PRDM6: variants seen among roughly 807,000 people sequenced by gnomAD.
PRDM6 encodes the protein putative histone-lysine N-methyltransferase PRDM6.
In PRDM6, 25 loss-of-function variants were observed where a neutral mutation model predicts 60.8. The observed-to-expected ratio is 0.41, with a 90% confidence interval of 0.30 to 0.57. The LOEUF is 0.57. Ranked by LOEUF, PRDM6 falls within the 20% of genes least tolerant of loss-of-function variation. The pLI is 0.27. For synonymous variants in PRDM6, 407 were observed against 357.4 expected, an observed-to-expected ratio of 1.14 and a Z score of -1.57; for missense variants, 839 against 821.3, an observed-to-expected ratio of 1.02 and a Z score of -0.26.
intron 5 of PRDM6, among the ~76,000 whole-genome samples, chr5:123,166,781 C>T (rs1765762007): frequency 6.6e-6 from 1 of 152,232 alleles, no homozygotes; most frequent in African/African-American, 2.4e-5. Context: ...ATTTGCCTCT[C>T]TCAATATTTT....
At chr5:123,146,121 T>C (rs762245167) in intron 3 of PRDM6, among the ~76,000 whole-genome samples, 20 of 152,196 alleles carry the variant, frequency 1.3e-4, no homozygotes, top group Non-Finnish European at 2.5e-4. Context: ...AACATAGCAG[T>C]TTGCACCTAG....
intron 3 of PRDM6, among the ~76,000 whole-genome samples, chr5:123,118,000 A>G (rs1247538633): frequency 6.6e-6 from 1 of 152,242 alleles, no homozygotes; most frequent in Non-Finnish European, 1.5e-5. Context: ...GACACAGTCC[A>G]TGACTAGATG....
chr5:123,152,958 C>T (rs969164570), intron 3 of PRDM6, among the ~76,000 whole-genome samples: 12 of 152,024 alleles, frequency 7.9e-5, no homozygotes, highest in Admixed American at 2.6e-4. Flanking sequence ...TGTTAAAATC[C>T]GCTTAAACAG....
At chr5:123,163,259 A>G (rs1378907772) in intron 5 of PRDM6, among the ~76,000 whole-genome samples, 1 of 152,236 alleles carries the variant, frequency 6.6e-6, no homozygotes, top group African/African-American at 2.4e-5. Context: ...TACCTGGACC[A>G]AGGCATTCAA....
At chr5:123,100,385 G>A (rs2150208164) in intron 3 of PRDM6, among the ~76,000 whole-genome samples, 3 of 152,342 alleles carry the variant, frequency 2.0e-5, no homozygotes, top group Middle Eastern at 6.8e-3. Context: ...AGCACTTCCA[G>A]TGTGTTTCTG....
intron 4 of PRDM6, among the ~76,000 whole-genome samples, chr5:123,158,734 A>G (rs1194037479): frequency 1.3e-5 from 2 of 151,456 alleles, no homozygotes; most frequent in African/African-American, 4.9e-5. Flanking sequence ...TTTAAGGCCC[A>G]CCAACCCTAC....
At chr5:123,106,344 C>T (rs1050970809) in intron 3 of PRDM6, among the ~76,000 whole-genome samples, 14 of 152,174 alleles carry the variant, frequency 9.2e-5, no homozygotes, top group African/African-American at 2.2e-4. Context: ...TTTGCTTCAG[C>T]GCATCCAGCA....
At chr5:123,090,981 C>T (rs1400639536) in intron 2 of PRDM6, among the ~76,000 whole-genome samples, 3 of 152,156 alleles carry the variant, frequency 2.0e-5, no homozygotes, top group Admixed American at 2.0e-4. Context: ...CAGGGGGTGT[C>T]TGGGTCAGGC....
chr5:123,118,935 T>C (rs1289051721), intron 3 of PRDM6, among the ~76,000 whole-genome samples: 1 of 152,198 alleles, frequency 6.6e-6, no homozygotes, highest in Non-Finnish European at 1.5e-5. Flanking sequence ...TGCATCTTGC[T>C]AGATTTGGGA....
chr5:123,185,041 G>A (rs1042102669), intron 7 of PRDM6, among the ~76,000 whole-genome samples: 4 of 152,114 alleles, frequency 2.6e-5, no homozygotes, highest in Admixed American at 6.5e-5. Context: ...ACAACAAATT[G>A]TTCCATTTGT....
In PRDM6 at chr5:123,170,781, C is replaced by A; in HGVS notation, c.1169C>A (p.Thr390Lys). 1 of 1,549,894 alleles carries A rather than the reference C, an allele frequency of 6.5e-7. No homozygotes were observed. Among genetic ancestry groups the A allele is most frequent in the Non-Finnish European group, 8.7e-7 (1 of 1,145,838 alleles). ...AQDENLNVPS[T>K]VMEAMCRQDA... ...ATTCTCCTAGTAAATGTCCCTTCAA[C>A]GGTAATGGAAGCCATGTGCAGACAA... Residue 390 changes from threonine (T) to lysine (K), a missense_variant, in exon 6 of 8, where the codon ACG becomes AAG. Physicochemically the swap from Thr to Lys is moderately conservative, Grantham distance 78. Around this residue, in one of 2 missense-constraint regions of PRDM6, gnomAD observed 730 missense variants for 648.8 expected, o/e 1.13. Coordinates refer to ENST00000407847, the MANE Select transcript of PRDM6 (RefSeq NM_001136239.4).
At chr5:123,143,655 C>T (rs548121121) in intron 3 of PRDM6, among the ~76,000 whole-genome samples, 114 of 152,262 alleles carry the variant, frequency 7.5e-4, no homozygotes, top group African/African-American at 2.7e-3. Context: ...TGCACACTTG[C>T]CAGCCTCCCA....
chr5:123,173,592 C>T (rs1561879287), intron 6 of PRDM6: 1 of 166,962 alleles, frequency 6.0e-6, no homozygotes, highest in Non-Finnish European at 1.5e-5. Context: ...AGGTGTTCAC[C>T]ATCATTCTTG....
chr5:123,089,614 G>C (rs1763755398), intron 1 of PRDM6, 95 bp downstream of exon 1: 1 of 206,148 alleles, frequency 4.9e-6, no homozygotes, highest in South Asian at 1.1e-4. Flanking sequence ...AGACTGTTCT[G>C]CCTCCTGGCG....
rs1390440610 is a variant in PRDM6, at chr5:123,188,011, A to G, written c.*810A>G. Reference sequence around the variant, plus strand: ...CAATAACATTTTAGCTTAAAAAAAAAAAAAGAAAATGAAAATAAAGTTCTT... The same window carrying G: ...CAATAACATTTTAGCTTAAAAAAAAGAAAAGAAAATGAAAATAAAGTTCTT... On this transcript the variant is annotated 3_prime_UTR_variant, in exon 8 of 8. Transcript: ENST00000407847. The G allele has an allele frequency of 6.6e-6, 1 of 152,190 alleles. No individual in the cohort carries two copies. The highest frequency in any genetic ancestry group is 2.4e-5 in the African/African-American group (1 of 41,456). 9.4% of individuals were successfully genotyped at this position (152,190 alleles called of 1,614,324 possible).
intron 3 of PRDM6, among the ~76,000 whole-genome samples, chr5:123,146,387 C>A (rs534854072): frequency 6.6e-6 from 1 of 152,188 alleles, no homozygotes; most frequent in Non-Finnish European, 1.5e-5. Context: ...TTATAGTTCT[C>A]TAGTGCAGAA....
chr5:123,146,308 G>A (rs373674130), intron 3 of PRDM6, among the ~76,000 whole-genome samples: 6 of 152,256 alleles, frequency 3.9e-5, no homozygotes, highest in South Asian at 2.1e-4. Flanking sequence ...TCCATAAGAC[G>A]TGTTGCACGA....
Position 123,187,216 on chromosome 5 carries a change from G to T in PRDM6, c.*15G>T. 4.6e-6 allele frequency: 7 copies of T among 1,520,902 alleles called. No individual in the cohort carries two copies. Among genetic ancestry groups the T allele is most frequent in the Non-Finnish European group, 6.3e-6 (7 of 1,119,398 alleles). 94.2% of individuals were successfully genotyped at this position (1,520,902 alleles called of 1,614,324 possible). ...AAGTGGATTAACGGATTGACTGGTT[G>T]GAATTAAACTGCAAGGAAAGTCATG... On this transcript the variant is annotated 3_prime_UTR_variant, in exon 8 of 8. Transcript: ENST00000407847.
At chr5:123,124,382 G>A (rs1426075021) in intron 3 of PRDM6, among the ~76,000 whole-genome samples, 1 of 152,170 alleles carries the variant, frequency 6.6e-6, no homozygotes, top group African/African-American at 2.4e-5. Context: ...ACTTCATATA[G>A]TGCTTTAAAA....
Sources: allele counts gnomAD v4.1 joint callset (sites outside exome capture counted in the v4.1 genomes callset), GRCh38; gene constraint gnomAD v4.1.1; regional missense constraint gnomAD v4.1.1; transcripts MANE v1.5; gene names NCBI Gene and HGNC (gene_info 2026-07-23, HGNC 2026-07-21).